TMEM114: variants seen among roughly 807,000 people sequenced by gnomAD.
The protein encoded by TMEM114 is claudin-26.
In TMEM114, 6 loss-of-function variants were observed where a neutral mutation model predicts 6.2. That is an observed-to-expected ratio of 0.97 (90% CI 0.53 to 1.91). The LOEUF is 1.91. Ranked by LOEUF, TMEM114 falls within the 40% of genes most tolerant of loss-of-function variation. The probability of loss-of-function intolerance (pLI) is 0.01; values close to 1 mark genes in which losing one functional copy is unlikely to be tolerated. For synonymous variants in TMEM114, 104 were observed against 73.0 expected, an observed-to-expected ratio of 1.42 and a Z score of -2.16; for missense variants, 218 against 158.3, an observed-to-expected ratio of 1.38 and a Z score of -2.02.
intron 2 of TMEM114, among the ~76,000 whole-genome samples, chr16:8,547,577 G>A (rs927545584): frequency 2.6e-5 from 4 of 152,024 alleles, no homozygotes; most frequent in Non-Finnish European, 4.4e-5. Flanking sequence ...ATTTTTAGTA[G>A]AGACAGGGTT....
downstream of TMEM114, among the ~76,000 whole-genome samples, chr16:8,536,505 G>A (rs1274680290): frequency 6.6e-6 from 1 of 152,166 alleles, no homozygotes. Flanking sequence ...AATGGGGAGA[G>A]TCACAACTAA....
downstream of TMEM114, among the ~76,000 whole-genome samples, chr16:8,533,486 T>C (rs879392506): frequency 2.6e-5 from 4 of 152,202 alleles, no homozygotes; most frequent in Admixed American, 6.5e-5. Flanking sequence ...GTCGGAGCCT[T>C]TGATACATGG....
chr16:8,556,310 G>C (rs1030038117), intron 2 of TMEM114, among the ~76,000 whole-genome samples: 3 of 152,088 alleles, frequency 2.0e-5, no homozygotes, highest in Non-Finnish European at 2.9e-5. Context: ...GATCCTTCTA[G>C]GGCACAAAAG....
At chr16:8,552,530 A>G (rs1232161827) in intron 2 of TMEM114, among the ~76,000 whole-genome samples, 1 of 152,134 alleles carries the variant, frequency 6.6e-6, no homozygotes, top group Non-Finnish European at 1.5e-5. Flanking sequence ...ACACACACAC[A>G]AAGATAAGAT....
At chr16:8,566,777 T>G (rs1213650807), downstream of TMEM114, among the ~76,000 whole-genome samples, 1 of 152,122 alleles carries the variant, frequency 6.6e-6, no homozygotes, top group Non-Finnish European at 1.5e-5. Context: ...GTCTGCAGTT[T>G]CCCTACCTAC....
intron 2 of TMEM114, among the ~76,000 whole-genome samples, chr16:8,551,551 G>A (rs2141659281): frequency 6.6e-6 from 1 of 152,310 alleles, no homozygotes; most frequent in South Asian, 2.1e-4. Flanking sequence ...TGTGGCCAAA[G>A]CAAAGAGAGA....
chr16:8,556,723 G>A (rs577934794), intron 2 of TMEM114, among the ~76,000 whole-genome samples: 86 of 152,190 alleles, frequency 5.7e-4, no homozygotes, highest in African/African-American at 1.8e-3. Flanking sequence ...GGCTGGTCTC[G>A]AACTCCTGAC....
At chr16:8,548,115 T>C (rs1421440345) in intron 2 of TMEM114, among the ~76,000 whole-genome samples, 1 of 152,202 alleles carries the variant, frequency 6.6e-6, no homozygotes, top group East Asian at 1.9e-4. Flanking sequence ...AAGCCTGTTC[T>C]TCAAATAAGT....
intron 2 of TMEM114, among the ~76,000 whole-genome samples, chr16:8,563,375 G>A (rs1485574864): frequency 2.0e-5 from 3 of 150,918 alleles, no homozygotes; most frequent in African/African-American, 7.4e-5. Context: ...GGGAGGGAAT[G>A]AGTGAATGAG....
the TMEM114 span, among the ~76,000 whole-genome samples, chr16:8,528,969 T>C: frequency 6.6e-6 from 1 of 152,228 alleles, no homozygotes; most frequent in African/African-American, 2.4e-5. Context: ...TGGCAGACTC[T>C]AGATCTTGTC....
chr16:8,577,167 GC>G (rs1260940571), intron 2 of TMEM114, among the ~76,000 whole-genome samples: 2 of 152,226 alleles, frequency 1.3e-5, no homozygotes, highest in Non-Finnish European at 2.9e-5. Flanking sequence ...GAGGACCATA[GC>G]AGATGACTTG....
At chr16:8,560,199 T>C (rs1222421970) in intron 2 of TMEM114, among the ~76,000 whole-genome samples, 1 of 151,998 alleles carries the variant, frequency 6.6e-6, no homozygotes, top group Non-Finnish European at 1.5e-5. Flanking sequence ...GGTCTTGCTA[T>C]GTTGCTTAGG....
intron 2 of TMEM114, among the ~76,000 whole-genome samples, chr16:8,563,189 G>A (rs1229112680): frequency 1.3e-5 from 2 of 151,440 alleles, no homozygotes; most frequent in Non-Finnish European, 2.9e-5. Context: ...GAGTGAATGA[G>A]TGAATGAATG....
At chr16:8,527,651 TG>T in the TMEM114 span, among the ~76,000 whole-genome samples, 1 of 152,196 alleles carries the variant, frequency 6.6e-6, no homozygotes, top group African/African-American at 2.4e-5. Flanking sequence ...TATTCTCACA[TG>T]GGACCATTGA....
chr16:8,561,509 C>T (rs1033987318), intron 2 of TMEM114, among the ~76,000 whole-genome samples: 6 of 152,226 alleles, frequency 3.9e-5, no homozygotes, highest in African/African-American at 1.4e-4. Flanking sequence ...GGTTTTGAGT[C>T]ACTTTTGTTC....
chr16:8,538,474 A>C (rs938248400), intron 2 of TMEM114, among the ~76,000 whole-genome samples: 1 of 151,276 alleles, frequency 6.6e-6, no homozygotes, highest in Non-Finnish European at 1.5e-5. Flanking sequence ...CTAGACAAAG[A>C]ATGTGTGTGC....
intron 2 of TMEM114, among the ~76,000 whole-genome samples, chr16:8,559,723 AAGG>A (rs1901138051): frequency 6.6e-6 from 1 of 151,818 alleles, no homozygotes; most frequent in African/African-American, 2.4e-5. Flanking sequence ...CCACCCTCAC[AAGG>A]AGAAGGTGGC....
At chr16:8,560,419 T>G (rs1380907927) in intron 2 of TMEM114, among the ~76,000 whole-genome samples, 1 of 152,134 alleles carries the variant, frequency 6.6e-6, no homozygotes, top group African/African-American at 2.4e-5. Flanking sequence ...GCCTTGGAAC[T>G]TGCCCTGGAA....
chr16:8,564,045 G>C (rs1901410851), intron 2 of TMEM114, among the ~76,000 whole-genome samples: 1 of 151,186 alleles, frequency 6.6e-6, no homozygotes, highest in African/African-American at 2.5e-5. Flanking sequence ...GACTGAATGA[G>C]TGAGTGAATG....
Sources: gnomAD v4.1 joint callset for allele counts (sites outside exome capture counted in the v4.1 genomes callset) on GRCh38, gnomAD v4.1.1 for gene constraint, MANE v1.5 for transcripts, NCBI Gene and HGNC (gene_info 2026-07-23, HGNC 2026-07-21) for gene names.